Variants in MYO18A observed in about 807,000 individuals in gnomAD.
MYO18A encodes myosin XVIIIA.
A neutral mutation model predicts 235.8 loss-of-function variants in MYO18A; 78 were observed. The observed-to-expected ratio is 0.33, with a 90% CI of 0.28 to 0.40. The LOEUF (loss-of-function observed/expected upper bound fraction) is 0.40. Among genes scored for constraint, MYO18A ranks in the 10% least tolerant of loss-of-function variants. The pLI, the probability that MYO18A is intolerant of heterozygous loss-of-function variation, is 1.00. For missense variants in MYO18A, 2,215 were observed against 2,699.3 expected, an observed-to-expected ratio of 0.82 and a Z score of 3.98; for synonymous variants, 977 against 1,077.8, an observed-to-expected ratio of 0.91 and a Z score of 1.83.
chr17:29,114,089 G>T lies in MYO18A; in HGVS notation c.2520C>A (p.Ile840=). The T allele has an allele frequency of 6.3e-7, 1 of 1,596,498 alleles. No homozygotes were observed. Among genetic ancestry groups the T allele is most frequent in the Non-Finnish European group, 8.5e-7 (1 of 1,171,820 alleles). The change falls in exon 15 of 42, where the codon ATC becomes ATA. Residue 840 remains isoleucine, a synonymous_variant. Transcript: ENST00000527372. ...QELERYKEEN[I]ELAFDDLEPP... ...GTTCCAAGTCGTCAAACGCCAGCTC[G>T]ATGTTCTCCTGGGAAAGAAGGCCGA...
At chr17:29,135,534 CTTTAAG>C (rs913652495) in intron 2 of MYO18A, among the ~76,000 whole-genome samples, 7 of 152,188 alleles carry the variant, frequency 4.6e-5, no homozygotes, top group Non-Finnish European at 7.3e-5. Context: ...GTGCTAGAGA[CTTTAAG>C]TTTGTCTGTT....
intron 37 of MYO18A, among the ~76,000 whole-genome samples, chr17:29,089,573 C>T (rs547706203): frequency 3.3e-5 from 5 of 151,222 alleles, no homozygotes; most frequent in Admixed American, 6.6e-5. Context: ...AGGAGCAGAG[C>T]GAGGGCAGAT....
rs375895372 is a variant in MYO18A, at chr17:29,114,056, C to T, written c.2553G>A (p.Thr851=). 5.4e-5 allele frequency: 86 copies of T among 1,604,210 alleles called. No individual in the cohort carries two copies. Among genetic ancestry groups the T allele is most frequent in the South Asian group, 5.6e-5 (5 of 88,938 alleles). The change falls in exon 15 of 42, where the codon ACG becomes ACA. Residue 851 remains threonine, a synonymous_variant. Transcript: ENST00000527372. The stretch of plus-strand genomic sequence containing the variant: ...GGTCCACAGCAGCCACAGAGTCATC[C>T]GTCGGGGGTTCCAAGTCGTCAAACG... ...ELAFDDLEPP[T]DDSVAAVDQA...
chr17:29,141,772 G>A (rs2067744704), intron 2 of MYO18A, among the ~76,000 whole-genome samples: 1 of 152,228 alleles, frequency 6.6e-6, no homozygotes, highest in Non-Finnish European at 1.5e-5. Context: ...CACGTGCAGT[G>A]TCACAGGTCT....
rs571821503 is a variant in MYO18A at position 29,074,234 on chromosome 17, A to G, written c.*536T>C. 515 of 1,543,976 alleles carry G rather than the reference A, an allele frequency of 3.3e-4. 7 individuals carry two copies. The South Asian group carries it at 6.0e-3, about 18-fold the overall frequency. On this transcript the variant is annotated 3_prime_UTR_variant, in exon 42 of 42. Coordinates refer to ENST00000527372, the MANE Select transcript of MYO18A (RefSeq NM_078471.4). The surrounding 1 kb of genome is among the most constrained non-coding windows in gnomAD (Gnocchi z 4.4). ...GTTCTTGGGAGCCCCAGCTACCACT[A>G]CAGCCCCCTCCCACTCTCAGGGATG... is the stretch of plus-strand genomic sequence containing the variant.
At chr17:29,080,071 C>G in intron 41 of MYO18A, 1 of 985,968 alleles carries the variant, frequency 1.0e-6, no homozygotes, top group Non-Finnish European at 1.2e-6. Flanking sequence ...TCGCCGGCTC[C>G]GGCTCTTCCG....
At chr17:29,116,956 T>C (rs2067087841) in intron 10 of MYO18A, among the ~76,000 whole-genome samples, 1 of 151,850 alleles carries the variant, frequency 6.6e-6, no homozygotes, top group South Asian at 2.1e-4. Context: ...AAAACTTCTC[T>C]AACCTAGAGC....
At chr17:29,170,442 T>C (rs2152983976) in intron 1 of MYO18A, among the ~76,000 whole-genome samples, 1 of 152,332 alleles carries the variant, frequency 6.6e-6, no homozygotes, top group South Asian at 2.1e-4. Flanking sequence ...CTTGTAGACC[T>C]TGCACTTTCC....
intron 2 of MYO18A, among the ~76,000 whole-genome samples, chr17:29,138,815 T>C (rs2152921468): frequency 6.6e-6 from 1 of 152,252 alleles, no homozygotes; most frequent in South Asian, 2.1e-4. Flanking sequence ...CTTTAAGGGA[T>C]GGAGGCACGC....
intron 1 of MYO18A, among the ~76,000 whole-genome samples, chr17:29,173,537 G>A (rs746263048): frequency 2.6e-5 from 4 of 151,470 alleles, no homozygotes; most frequent in Non-Finnish European, 4.4e-5. Context: ...ACAGGCGCCC[G>A]CCACCGCGCC....
Position 29,166,343 on chromosome 17 carries a change from T to G in MYO18A, c.598A>C (p.Lys200Gln). ...GGCAGGCGCAGGTCGACTGGGAACT[T>G]TTTAGTCACTAGCTCAGGGGCTCGG... is the stretch of plus-strand genomic sequence containing the variant. ...RSRAPELVTK[K>Q]FPVDLRLPPV... The change falls in exon 2 of 42, where the codon AAG becomes CAG. Residue 200 changes from lysine to glutamine, a missense_variant. Lys to Gln is a moderately conservative substitution (Grantham distance 53). Coordinates refer to ENST00000527372, the MANE Select transcript of MYO18A (RefSeq NM_078471.4). The G allele has an allele frequency of 6.2e-7, 1 of 1,612,832 alleles. No homozygotes were observed. Among genetic ancestry groups the G allele is most frequent in the South Asian group, 1.1e-5 (1 of 91,076 alleles).
In MYO18A at chr17:29,140,493, T is replaced by A. The variant is rs1323497391; in HGVS notation, c.1000-18240A>T. On this transcript the variant is annotated intron_variant, in intron 2 of 41. Transcript: ENST00000527372. This position sits in a 1 kb window ranked among gnomAD's most constrained non-coding sequence, Gnocchi z 4.2. ...CCGTCCCGAGCTGCCCAGCCCTAGT[T>A]GGAGCCAGCAGCCCGGAGGACTTCG... 9.0e-7 allele frequency: 1 copy of A among 1,107,292 alleles called. No individual in the cohort carries two copies. Among genetic ancestry groups the A allele is most frequent in the Non-Finnish European group, 1.1e-6 (1 of 872,500 alleles). 68.6% of individuals were successfully genotyped at this position (1,107,292 alleles called of 1,614,324 possible).
At chr17:29,093,249 TC>T in intron 32 of MYO18A, 73 bp downstream of exon 32, 4 of 1,348,186 alleles carry the variant, frequency 3.0e-6, no homozygotes, top group Middle Eastern at 3.9e-4. Flanking sequence ...TGGCTCCCCA[TC>T]CCTAGGATCC....
chr17:29,168,315 C>T (rs927827131), intron 1 of MYO18A, among the ~76,000 whole-genome samples: 10 of 152,256 alleles, frequency 6.6e-5, no homozygotes, highest in African/African-American at 2.4e-4. Flanking sequence ...TGTGTGAAAC[C>T]TACCCACCAA....
chr17:29,119,738 G>A lies in MYO18A; in HGVS notation c.1729-303C>T, dbSNP rs142576617. Among the ~76,000 whole-genome samples the A allele has an allele frequency of 2.2e-3, 332 of 151,828 alleles. 1 individual carries two copies. Among genetic ancestry groups the A allele is most frequent in the African/African-American group, 7.3e-3 (303 of 41,370 alleles). ...ACCACCATACCCGGCTGATTTTTGT[G>A]TTTTTAGTAGAGATGGGGTTTTGCC... On this transcript the variant is annotated intron_variant, in intron 7 of 41. Coordinates refer to ENST00000527372, the MANE Select transcript of MYO18A (RefSeq NM_078471.4).
At chr17:29,141,316 C>T (rs1023620772) in intron 2 of MYO18A, among the ~76,000 whole-genome samples, 19 of 152,022 alleles carry the variant, frequency 1.2e-4, no homozygotes, top group African/African-American at 9.7e-5. Context: ...CCCGCTGAGA[C>T]GCTGAAATGG....
In MYO18A at chr17:29,094,980, CCTTCTCCCGCTGCAG is replaced by C. The variant is rs761582032; in HGVS notation, c.4450_4464del (p.Leu1484_Lys1488del). The C allele has an allele frequency of 4.8e-5, 77 of 1,604,006 alleles. No individual in the cohort carries two copies. Among genetic ancestry groups the C allele is most frequent in the Non-Finnish European group, 5.7e-5 (67 of 1,174,538 alleles). On this transcript the variant is annotated inframe_deletion, in exon 29 of 42. Coordinates refer to ENST00000527372, the MANE Select transcript of MYO18A (RefSeq NM_078471.4). ...CTGAAAGCCTCAGCGAGGAGCATGTCCTTCTCCCGCTGCAGCTTCTCCCGCTGCAGCTTCTCCCGC... is the reference window on the plus strand; with the variant it reads ...CTGAAAGCCTCAGCGAGGAGCATGTCCTTCTCCCGCTGCAGCTTCTCCCGC...
At position 29,117,991 on chromosome 17, in the gene MYO18A, C is replaced by T. The variant is rs1451681550; in HGVS notation, c.2038+54G>A. On this transcript the variant is annotated intron_variant, in intron 10 of 41. Coordinates refer to ENST00000527372, the MANE Select transcript of MYO18A (RefSeq NM_078471.4). This position sits in a 1 kb window ranked among gnomAD's most constrained non-coding sequence, Gnocchi z 4.6. ...GAATAAACTGGGAGTGGGCAGGGTC[C>T]CTGTGAGGTCACCCAGGGGACAGGC... 6.5e-7 allele frequency: 1 copy of T among 1,545,700 alleles called. No individual in the cohort carries two copies. Among genetic ancestry groups the T allele is most frequent in the Non-Finnish European group, 8.7e-7 (1 of 1,143,698 alleles).
chr17:29,085,551 G>A (rs914371123), intron 40 of MYO18A, 53 bp downstream of exon 40: 2 of 1,575,200 alleles, frequency 1.3e-6, no homozygotes, highest in Non-Finnish European at 1.7e-6. Context: ...AGTGTTAGGG[G>A]TGGTTAGACA....
Sources: allele counts gnomAD v4.1 joint callset (sites outside exome capture counted in the v4.1 genomes callset), GRCh38; gene constraint gnomAD v4.1.1; non-coding constraint Gnocchi (gnomAD v3.1); transcripts MANE v1.5; gene names NCBI Gene and HGNC (gene_info 2026-07-23, HGNC 2026-07-21).